The following CHRNA7 variants were observed in gnomAD, a reference collection of about 807,000 sequenced individuals.
The protein encoded by CHRNA7 is neuronal acetylcholine receptor subunit alpha-7.
In CHRNA7, 17 loss-of-function variants were observed where a neutral mutation model predicts 48.0. The observed-to-expected ratio is 0.35, with a 90% CI of 0.24 to 0.53. The LOEUF is 0.53. Ranked by LOEUF, CHRNA7 falls within the 20% of genes least tolerant of loss-of-function variation. The probability of loss-of-function intolerance (pLI) is 0.92; values close to 1 mark genes in which losing one functional copy is unlikely to be tolerated. For missense variants in CHRNA7, 155 were observed against 577.7 expected (o/e 0.27, Z 7.50); for synonymous variants, 75 against 242.3 (o/e 0.31, Z 6.41).
At chr15:32,141,789 C>T (rs2051383933) in intron 4 of CHRNA7, among the ~76,000 whole-genome samples, 1 of 152,228 alleles carries the variant, frequency 6.6e-6, no homozygotes, top group African/African-American at 2.4e-5. Context: ...TGAGACTTTG[C>T]TGAAGTTGCT....
intron 3 of CHRNA7, among the ~76,000 whole-genome samples, chr15:32,110,132 A>G (rs1027480334): frequency 4.6e-5 from 7 of 152,198 alleles, no homozygotes; most frequent in African/African-American, 1.7e-4. Flanking sequence ...GACACAGAGA[A>G]GCATCCCAGG....
At chr15:32,056,516 A>G (rs2049791645) in intron 2 of CHRNA7, among the ~76,000 whole-genome samples, 1 of 152,216 alleles carries the variant, frequency 6.6e-6, no homozygotes, top group African/African-American at 2.4e-5. Context: ...CTGTGCCCTA[A>G]TGGACATTTT....
chr15:32,101,257 T>C (rs1197251842), intron 2 of CHRNA7, 46 bp from the exon 3 acceptor site: 2 of 1,577,628 alleles, frequency 1.3e-6, no homozygotes, highest in Non-Finnish European at 1.7e-6. Context: ...TTCTTTCTTT[T>C]GTAAACCATA....
At chr15:32,055,000 C>T (rs1187752482) in intron 2 of CHRNA7, among the ~76,000 whole-genome samples, 1 of 152,162 alleles carries the variant, frequency 6.6e-6, no homozygotes, top group African/African-American at 2.4e-5. Flanking sequence ...TTAGCATTCC[C>T]ACCAGCAGTG....
At chr15:32,079,687 G>A (rs1259436113) in intron 2 of CHRNA7, among the ~76,000 whole-genome samples, 1 of 151,240 alleles carries the variant, frequency 6.6e-6, no homozygotes, top group Non-Finnish European at 1.5e-5. Context: ...TCATGGATAG[G>A]AAAAATCAAT....
At chr15:32,114,032 A>ATATG (rs1404412319) in intron 4 of CHRNA7, among the ~76,000 whole-genome samples, 1 of 94,540 alleles carries the variant, frequency 1.1e-5, no homozygotes, top group Admixed American at 1.5e-4. Flanking sequence ...ATATATATAT[A>ATATG]TATATATATA....
chr15:32,047,381 C>A (rs985513993), intron 2 of CHRNA7, among the ~76,000 whole-genome samples: 3 of 150,730 alleles, frequency 2.0e-5, no homozygotes, highest in Non-Finnish European at 4.4e-5. Context: ...TGAAGAGGTC[C>A]TTCACATCCC....
chr15:32,104,443 G>T (rs1414799685), intron 3 of CHRNA7, among the ~76,000 whole-genome samples: 1 of 152,082 alleles, frequency 6.6e-6, no homozygotes, highest in African/African-American at 2.4e-5. Context: ...TCCACCTCCA[G>T]CCCACTCTGT....
In CHRNA7 at chr15:32,063,550, C is replaced by G. The variant is rs556069294; in HGVS notation, c.195+32513C>G. ...GTGTTCACCAACCAGGTAGTTTCCC[C>G]AAGCCTTGCCGTCTGGAGTTATTGA... On this transcript the variant is annotated intron_variant, in intron 2 of 9. Coordinates refer to ENST00000306901, the MANE Select transcript of CHRNA7 (RefSeq NM_000746.6). Among the ~76,000 whole-genome samples the G allele has an allele frequency of 3.3e-5, 5 of 152,286 alleles. No homozygotes were observed. In the South Asian group the frequency reaches 1.0e-3, roughly 32 times the overall value.
intron 2 of CHRNA7, among the ~76,000 whole-genome samples, chr15:32,083,878 G>A (rs948583931): frequency 6.6e-6 from 1 of 152,170 alleles, no homozygotes; most frequent in Non-Finnish European, 1.5e-5. Context: ...GTGGCCTCAT[G>A]TCAGGAGTCA....
At chr15:32,051,835 C>G (rs1406378711) in intron 2 of CHRNA7, among the ~76,000 whole-genome samples, 1 of 152,146 alleles carries the variant, frequency 6.6e-6, no homozygotes, top group African/African-American at 2.4e-5. Context: ...CACCACCATG[C>G]CTGGCTGATT....
At chr15:32,040,121 CTG>C (rs139825674) in intron 2 of CHRNA7, among the ~76,000 whole-genome samples, 2,367 of 152,178 alleles carry the variant, frequency 0.016, 28 homozygotes, top group Non-Finnish European at 0.023. Flanking sequence ...CCATAAGACA[CTG>C]TTAATTTATA....
chr15:32,039,191 G>C (rs768298542), intron 2 of CHRNA7, among the ~76,000 whole-genome samples: 2 of 151,662 alleles, frequency 1.3e-5, no homozygotes, highest in Non-Finnish European at 2.9e-5. Flanking sequence ...TGATTTTATT[G>C]ATCATTTTTC....
chr15:32,095,084 G>A (rs577682437), intron 2 of CHRNA7, among the ~76,000 whole-genome samples: 1 of 152,370 alleles, frequency 6.6e-6, no homozygotes, highest in Admixed American at 6.5e-5. Flanking sequence ...ACTACCCCTA[G>A]CCCACATGGC....
At chr15:32,090,777 T>C (rs985705734) in intron 2 of CHRNA7, among the ~76,000 whole-genome samples, 1 of 152,238 alleles carries the variant, frequency 6.6e-6, no homozygotes, top group African/African-American at 2.4e-5. Flanking sequence ...GAGGAACTCA[T>C]ACTTCCTTAA....
At chr15:32,142,335 A>G (rs2051396842) in intron 4 of CHRNA7, among the ~76,000 whole-genome samples, 1 of 152,182 alleles carries the variant, frequency 6.6e-6, no homozygotes, top group South Asian at 2.1e-4. Flanking sequence ...TATTTTATTG[A>G]GGATTTTTGC....
intron 2 of CHRNA7, among the ~76,000 whole-genome samples, chr15:32,086,294 T>G (rs560420708): frequency 1.2e-4 from 16 of 135,352 alleles, no homozygotes; most frequent in Middle Eastern, 4.3e-3. Flanking sequence ...GCGTGAACCC[T>G]GGAGGCGGAG....
chr15:32,134,359 A>G (rs984839746), intron 4 of CHRNA7, among the ~76,000 whole-genome samples: 2 of 152,096 alleles, frequency 1.3e-5, no homozygotes, highest in African/African-American at 2.4e-5. Flanking sequence ...GGGTTTCACC[A>G]TGTTAGCCAG....
chr15:32,102,560 C>T (rs543414894), intron 3 of CHRNA7: 33 of 134,948 alleles, frequency 2.4e-4, no homozygotes, highest in Admixed American at 1.8e-3. Flanking sequence ...TTTAAGTTTG[C>T]TATTGTTATT....
Sources: allele counts gnomAD v4.1 joint callset (sites outside exome capture counted in the v4.1 genomes callset), GRCh38; gene constraint gnomAD v4.1.1; transcripts MANE v1.5; gene names NCBI Gene and HGNC (gene_info 2026-07-23, HGNC 2026-07-21).